WWOX: variants seen among roughly 807,000 people sequenced by gnomAD.
The protein encoded by WWOX is WW domain containing oxidoreductase.
In WWOX, 69 loss-of-function variants were observed where a neutral mutation model predicts 46.2. The ratio of observed to expected loss-of-function variants is 1.49; its 90% confidence interval spans 1.23 to 1.82. The LOEUF (loss-of-function observed/expected upper bound fraction) is 1.82, where lower values mean the gene tolerates loss of function less well. Among genes scored for constraint, WWOX ranks in the 40% most tolerant of loss-of-function variants. The pLI is 0.00. For missense variants in WWOX, 919 were observed against 542.6 expected, an observed-to-expected ratio of 1.69 and a Z score of -6.89; for synonymous variants, 359 against 202.6, an observed-to-expected ratio of 1.77 and a Z score of -6.56.
At chr16:78,937,601 C>CTTCATTCA (rs1555572427) in intron 8 of WWOX, among the ~76,000 whole-genome samples, 1 of 142,548 alleles carries the variant, frequency 7.0e-6, no homozygotes, top group Non-Finnish European at 1.5e-5. Context: ...AGCTATAGAG[C>CTTCATTCA]TTTATTTATT....
chr16:78,609,388 G>A (rs2045843341), intron 8 of WWOX, among the ~76,000 whole-genome samples: 1 of 151,886 alleles, frequency 6.6e-6, no homozygotes, highest in Non-Finnish European at 1.5e-5. Flanking sequence ...ATAGCTATAT[G>A]CTTCCCCACC....
chr16:78,491,667 T>C lies in WWOX; in HGVS notation c.1056+58915T>C, dbSNP rs931592447. On this transcript the variant is annotated intron_variant, in intron 8 of 8. Transcript: ENST00000566780. ...TCAATGCAGTATATAAGAGGGTGCA[T>C]TGTGTACCTGTGGGAGTGATTACAG... Among the ~76,000 whole-genome samples the C allele has an allele frequency of 4.6e-5, 7 of 152,136 alleles. No individual in the cohort carries two copies. The South Asian group carries it at 1.2e-3, about 27-fold the overall frequency.
intron 8 of WWOX, among the ~76,000 whole-genome samples, chr16:79,165,721 C>G (rs994204771): frequency 6.6e-6 from 1 of 152,138 alleles, no homozygotes; most frequent in South Asian, 2.1e-4. Flanking sequence ...GTCCTGTTTA[C>G]TCTGTCAGGG....
chr16:78,322,685 C>G (rs1157424434), intron 5 of WWOX, among the ~76,000 whole-genome samples: 1 of 152,202 alleles, frequency 6.6e-6, no homozygotes, highest in Non-Finnish European at 1.5e-5. Context: ...TGATTATCAA[C>G]AAAGTTACTC....
intron 4 of WWOX, among the ~76,000 whole-genome samples, chr16:78,151,338 C>A (rs1011689714): frequency 2.6e-5 from 4 of 152,142 alleles, no homozygotes; most frequent in Non-Finnish European, 5.9e-5. Context: ...GGCTACCATG[C>A]CCATTGGGGT....
chr16:79,109,790 G>C (rs1339158758), intron 8 of WWOX, among the ~76,000 whole-genome samples: 1 of 152,136 alleles, frequency 6.6e-6, no homozygotes, highest in Non-Finnish European at 1.5e-5. Context: ...GAAGAAATCA[G>C]AGTCATTTTC....
chr16:78,978,987 A>C (rs1472405211), intron 8 of WWOX, among the ~76,000 whole-genome samples: 1 of 151,970 alleles, frequency 6.6e-6, no homozygotes. Flanking sequence ...AAGCAGGTGC[A>C]ATCATTTTAG....
intron 8 of WWOX, among the ~76,000 whole-genome samples, chr16:78,990,490 C>G (rs1482975318): frequency 3.9e-5 from 6 of 152,202 alleles, no homozygotes; most frequent in African/African-American, 1.2e-4. Context: ...ACTGCAAACT[C>G]TGTGGCCTGC....
At chr16:78,516,435 A>G (rs1454451132) in intron 8 of WWOX, among the ~76,000 whole-genome samples, 1 of 152,194 alleles carries the variant, frequency 6.6e-6, no homozygotes, top group Admixed American at 6.5e-5. Context: ...TATGGTAGCT[A>G]GATTTCTATT....
chr16:78,388,123 T>C (rs9927858), intron 6 of WWOX, among the ~76,000 whole-genome samples: 141,523 of 152,214 alleles, frequency 0.93, 66,101 homozygotes, highest in African/African-American at 0.98. Context: ...CGTCCCACTG[T>C]GGGCCCAAGT....
chr16:78,875,131 C>G (rs971025803), intron 8 of WWOX, among the ~76,000 whole-genome samples: 11 of 152,130 alleles, frequency 7.2e-5, no homozygotes, highest in African/African-American at 2.2e-4. Context: ...CGGGCTGACT[C>G]TCTACTTCAT....
intron 8 of WWOX, among the ~76,000 whole-genome samples, chr16:78,876,559 C>G (rs2044238296): frequency 6.6e-6 from 1 of 151,634 alleles, no homozygotes; most frequent in East Asian, 1.9e-4. Context: ...TTTCTTCTCT[C>G]TCCCAGTGTC....
intron 8 of WWOX, among the ~76,000 whole-genome samples, chr16:78,905,785 A>C (rs2044947302): frequency 2.0e-5 from 3 of 152,168 alleles, no homozygotes; most frequent in African/African-American, 7.2e-5. Context: ...ATGTAGTTTA[A>C]AACCAACTTC....
At chr16:78,504,605 ATCTT>A (rs1481505108) in intron 8 of WWOX, among the ~76,000 whole-genome samples, 3 of 152,152 alleles carry the variant, frequency 2.0e-5, no homozygotes, top group African/African-American at 7.2e-5. Flanking sequence ...TCGTAATACT[ATCTT>A]TCTTTCCCCT....
intron 8 of WWOX, among the ~76,000 whole-genome samples, chr16:78,648,863 TG>T (rs1438640480): frequency 6.6e-6 from 1 of 152,248 alleles, no homozygotes; most frequent in African/African-American, 2.4e-5. Context: ...TGTTATTATT[TG>T]GGTTCCCTTT....
chr16:79,205,595 T>C (rs1246013968), intron 8 of WWOX: 1 of 152,220 alleles, frequency 6.6e-6, no homozygotes, highest in Non-Finnish European at 1.5e-5. Context: ...TCATTGTTTC[T>C]TTTTGGGAAA....
chr16:79,014,681 C>A (rs1876973), intron 8 of WWOX, among the ~76,000 whole-genome samples: 1 of 152,112 alleles, frequency 6.6e-6, no homozygotes, highest in Non-Finnish European at 1.5e-5. Context: ...GACATTTCGG[C>A]CCTGATTTCA....
At chr16:78,944,028 C>G (rs2045902327) in intron 8 of WWOX, among the ~76,000 whole-genome samples, 1 of 152,132 alleles carries the variant, frequency 6.6e-6, no homozygotes, top group Admixed American at 6.5e-5. Context: ...TGAAGAAAAA[C>G]AAATAAACAA....
chr16:79,022,146 A>T (rs1465368233), intron 8 of WWOX, among the ~76,000 whole-genome samples: 2 of 152,188 alleles, frequency 1.3e-5, no homozygotes, highest in African/African-American at 4.8e-5. Context: ...AGAAAGCACC[A>T]AGCAATTTGC....
Sources: gnomAD v4.1 joint callset for allele counts (sites outside exome capture counted in the v4.1 genomes callset) on GRCh38, gnomAD v4.1.1 for gene constraint, MANE v1.5 for transcripts, NCBI Gene and HGNC (gene_info 2026-07-23, HGNC 2026-07-21) for gene names.